Variants in IGFBP2 observed in about 807,000 individuals in gnomAD.
The protein encoded by IGFBP2 is insulin like growth factor binding protein 2.
A neutral mutation model predicts 26.2 loss-of-function variants in IGFBP2; 12 were observed. The observed-to-expected ratio is 0.46, with a 90% confidence interval of 0.29 to 0.74. IGFBP2 has a LOEUF of 0.74. IGFBP2 is among the 30% of genes least tolerant of loss of function. The probability of loss-of-function intolerance (pLI) is 0.09; values close to 1 mark genes in which losing one functional copy is unlikely to be tolerated. For synonymous variants in IGFBP2, 189 were observed against 200.6 expected, an observed-to-expected ratio of 0.94 and a Z score of 0.49; for missense variants, 328 against 441.2, an observed-to-expected ratio of 0.74 and a Z score of 2.30.
At chr2:216,657,078 T>C (rs1697934966) in intron 1 of IGFBP2, among the ~76,000 whole-genome samples, 1 of 152,194 alleles carries the variant, frequency 6.6e-6, no homozygotes, top group South Asian at 2.1e-4. Flanking sequence ...ATTTTGATCC[T>C]GAGTAGCTGG....
At chr2:216,661,790 G>A in intron 2 of IGFBP2, 68 bp from the exon 3 acceptor site, 1 of 1,586,928 alleles carries the variant, frequency 6.3e-7, no homozygotes, top group Non-Finnish European at 8.6e-7. Flanking sequence ...CGCTGAGCTT[G>A]CGTCTGGCGC....
Position 216,633,477 on chromosome 2 carries a change from C to CT in IGFBP2, c.-47_-46insT. 4.2e-6 allele frequency: 2 copies of CT among 479,580 alleles called. No individual in the cohort carries two copies. The highest frequency in any genetic ancestry group is 5.5e-6 in the Non-Finnish European group (2 of 364,956). 29.7% of individuals were successfully genotyped at this position (479,580 alleles called of 1,614,324 possible). ...CGCAGGGCCGTGCCACCTGCCCGCCCGCCCGCTCGCTCGCTCGCCCGCCGC... is the reference window on the plus strand; with the variant it reads ...CGCAGGGCCGTGCCACCTGCCCGCCCTGCCCGCTCGCTCGCTCGCCCGCCGC... On this transcript the variant is annotated 5_prime_UTR_variant, in exon 1 of 4. Coordinates refer to ENST00000233809, the MANE Select transcript of IGFBP2 (RefSeq NM_000597.3).
intron 1 of IGFBP2, among the ~76,000 whole-genome samples, chr2:216,638,853 C>T (rs530383159): frequency 1.0e-3 from 154 of 150,802 alleles, no homozygotes; most frequent in African/African-American, 3.6e-3. Context: ...GCACCTGCCA[C>T]CACGCCCGGC....
At chr2:216,633,225 A>G (rs1697413042), upstream of IGFBP2, among the ~76,000 whole-genome samples, 1 of 152,034 alleles carries the variant, frequency 6.6e-6, no homozygotes, top group Non-Finnish European at 1.5e-5. Context: ...GTGCGGAGGG[A>G]CGGGGCCCGG....
At chr2:216,663,438 TAATG>T (rs1688697848) in intron 3 of IGFBP2, 1 of 152,534 alleles carries the variant, frequency 6.6e-6, no homozygotes. Flanking sequence ...CCAGGGATAA[TAATG>T]GCATCTAATT....
chr2:216,650,712 T>G (rs1421549081), intron 1 of IGFBP2, among the ~76,000 whole-genome samples: 1 of 152,178 alleles, frequency 6.6e-6, no homozygotes, highest in Non-Finnish European at 1.5e-5. Flanking sequence ...CGTGTGATCT[T>G]ATAACCTAGG....
chr2:216,651,084 C>A (rs1036360858), intron 1 of IGFBP2, among the ~76,000 whole-genome samples: 1 of 152,132 alleles, frequency 6.6e-6, no homozygotes, highest in Non-Finnish European at 1.5e-5. Flanking sequence ...GCCACTGCCC[C>A]CTCTGACCTT....
At chr2:216,634,651 A>T (rs776267489) in intron 1 of IGFBP2, among the ~76,000 whole-genome samples, 6 of 152,222 alleles carry the variant, frequency 3.9e-5, no homozygotes, top group Non-Finnish European at 5.9e-5. Context: ...GAATCAATGT[A>T]ACTTAAGCCC....
chr2:216,653,135 A>G (rs1697858732), intron 1 of IGFBP2, among the ~76,000 whole-genome samples: 1 of 152,222 alleles, frequency 6.6e-6, no homozygotes, highest in Non-Finnish European at 1.5e-5. Flanking sequence ...GACCGGGGCC[A>G]CACACTCTGA....
chr2:216,664,297 T>C lies in IGFBP2; in HGVS notation c.*193T>C, dbSNP rs1033867319. The C allele has an allele frequency of 1.4e-4, 62 of 436,544 alleles. No homozygotes were observed. The Middle Eastern group carries it at 1.8e-3, about 12-fold the overall frequency. The allele number at this position is 436,544 out of a possible 1,614,324, so 27.0% of individuals were successfully genotyped here. ...TCTTCCCAGCTGCAGATGCCACACC[T>C]GCTCCTTCTTGCTTTCCCCGGGGGA... On this transcript the variant is annotated 3_prime_UTR_variant, in exon 4 of 4. Coordinates refer to ENST00000233809, the MANE Select transcript of IGFBP2 (RefSeq NM_000597.3). The surrounding 1 kb of genome is among the most constrained non-coding windows in gnomAD (Gnocchi z 4.6).
intron 1 of IGFBP2, among the ~76,000 whole-genome samples, chr2:216,650,515 C>T (rs1697798414): frequency 6.6e-6 from 1 of 152,212 alleles, no homozygotes; most frequent in Admixed American, 6.5e-5. Context: ...GGCTCTCTGC[C>T]CTCCCTTGGT....
chr2:216,661,848 G>A lies in IGFBP2; in HGVS notation c.673-10G>A. 1.9e-6 allele frequency: 3 copies of A among 1,614,096 alleles called. No individual in the cohort carries two copies. The highest frequency in any genetic ancestry group is 2.5e-6 in the Non-Finnish European group (3 of 1,180,008). ...TCACTCCGGGCGTCCCCTGCTGTCT[G>A]TGCGTGCAGACTCCCTGCCAACAGG... is the stretch of plus-strand genomic sequence containing the variant. On this transcript the variant is annotated splice_polypyrimidine_tract_variant and intron_variant, in intron 2 of 3. Coordinates refer to ENST00000233809, the MANE Select transcript of IGFBP2 (RefSeq NM_000597.3).
At chr2:216,639,007 ATTTTTTTTTT>A (rs1208707145) in intron 1 of IGFBP2, among the ~76,000 whole-genome samples, 2 of 115,050 alleles carry the variant, frequency 1.7e-5, no homozygotes, top group African/African-American at 7.4e-5. Flanking sequence ...GACCAGGCTA[ATTTTTTTTTT>A]TTTTTTTTTT....
At position 216,661,780 on chromosome 2, in the gene IGFBP2, C is replaced by T. The variant is rs540877289; in HGVS notation, c.673-78C>T. On this transcript the variant is annotated intron_variant, in intron 2 of 3. Coordinates refer to ENST00000233809, the MANE Select transcript of IGFBP2 (RefSeq NM_000597.3). Reference sequence around the variant, plus strand: ...GTCCCCTCCCTGTGCAGCAGCTTCTCGCTGAGCTTGCGTCTGGCGCGTGCT... The same window carrying T: ...GTCCCCTCCCTGTGCAGCAGCTTCTTGCTGAGCTTGCGTCTGGCGCGTGCT... 3.1e-5 allele frequency: 48 copies of T among 1,548,286 alleles called. No homozygotes were observed. In the South Asian group the frequency reaches 3.3e-4, roughly 11 times the overall value.
chr2:216,636,442 G>A (rs1697497533), intron 1 of IGFBP2, among the ~76,000 whole-genome samples: 1 of 151,922 alleles, frequency 6.6e-6, no homozygotes, highest in Non-Finnish European at 1.5e-5. Context: ...TCCTGGGGAT[G>A]GCAAGGATGC....
chr2:216,664,083 G>A lies in IGFBP2; in HGVS notation c.957G>A (p.Val319=). ...ATGAGCAGCAGGAGGCTCGCGGGGTGCACACCCAGCGGATGCAGTAGACCG... is the reference window on the plus strand; with the variant it reads ...ATGAGCAGCAGGAGGCTCGCGGGGTACACACCCAGCGGATGCAGTAGACCG... ...FYNEQQEARG[V]HTQRMQ The change falls in exon 4 of 4, where the codon GTG becomes GTA. Residue 319 remains valine (V), a synonymous_variant. Coordinates refer to ENST00000233809, the MANE Select transcript of IGFBP2 (RefSeq NM_000597.3). This position sits in a 1 kb window ranked among gnomAD's most constrained non-coding sequence, Gnocchi z 4.6. 1 of 1,610,310 alleles carries A rather than the reference G, an allele frequency of 6.2e-7. No homozygotes were observed. Among genetic ancestry groups the A allele is most frequent in the Non-Finnish European group, 8.5e-7 (1 of 1,178,662 alleles).
chr2:216,634,024 C>T (rs1697441869), intron 1 of IGFBP2, 59 bp downstream of exon 1: 2 of 1,517,798 alleles, frequency 1.3e-6, no homozygotes, highest in Middle Eastern at 2.1e-4. Context: ...AGAAGCCCGA[C>T]GGGCGGCTGG....
intron 1 of IGFBP2, among the ~76,000 whole-genome samples, chr2:216,650,075 C>T (rs1317541041): frequency 1.3e-5 from 2 of 152,206 alleles, no homozygotes; most frequent in Non-Finnish European, 2.9e-5. Flanking sequence ...CTTCAGGAAA[C>T]AGACAGAACA....
intron 1 of IGFBP2, 40 bp from the exon 2 acceptor site, chr2:216,660,517 A>G: frequency 6.6e-7 from 1 of 1,512,792 alleles, no homozygotes; most frequent in Non-Finnish European, 9.0e-7. Context: ...CTCTCTGGGA[A>G]ACTGGACCTG....
Sources: allele counts gnomAD v4.1 joint callset (sites outside exome capture counted in the v4.1 genomes callset), GRCh38; gene constraint gnomAD v4.1.1; non-coding constraint Gnocchi (gnomAD v3.1); transcripts MANE v1.5; gene names NCBI Gene and HGNC (gene_info 2026-07-23, HGNC 2026-07-21).